CCDC91: variants seen among roughly 807,000 people sequenced by gnomAD.
CCDC91 encodes coiled-coil domain-containing protein 91.
A neutral mutation model predicts 63.2 loss-of-function variants in CCDC91; 48 were observed. The observed-to-expected ratio is 0.76, with a 90% confidence interval of 0.60 to 0.97. The LOEUF (loss-of-function observed/expected upper bound fraction) is 0.97, where lower values mean the gene tolerates loss of function less well. Among genes scored for constraint, CCDC91 ranks in the 50% least tolerant of loss-of-function variants. CCDC91 has a pLI of 0.00. For missense variants in CCDC91, 500 were observed against 494.6 expected, an observed-to-expected ratio of 1.01 and a Z score of -0.10; for synonymous variants, 167 against 165.8, an observed-to-expected ratio of 1.01 and a Z score of -0.06.
At chr12:28,263,764 C>CT (rs1395910125) in intron 3 of CCDC91, among the ~76,000 whole-genome samples, 1 of 151,906 alleles carries the variant, frequency 6.6e-6, no homozygotes, top group African/African-American at 2.4e-5. Flanking sequence ...CTGTTGAATC[C>CT]TTGGTGTCTA....
At chr12:28,219,468 ATTTTTTT>A (rs752030088) in intron 1 of CCDC91, among the ~76,000 whole-genome samples, 1 of 121,652 alleles carries the variant, frequency 8.2e-6, no homozygotes, top group African/African-American at 3.3e-5. Context: ...CAGTGTAACC[ATTTTTTT>A]TTTTTTTTTT....
At chr12:28,532,283 AT>A (rs1429131937) in intron 12 of CCDC91, among the ~76,000 whole-genome samples, 1 of 152,104 alleles carries the variant, frequency 6.6e-6, no homozygotes, top group Non-Finnish European at 1.5e-5. Context: ...TCCCTATCAA[AT>A]ATTGCTAATA....
At chr12:28,448,678 T>G (rs1949654334) in intron 8 of CCDC91, among the ~76,000 whole-genome samples, 1 of 152,122 alleles carries the variant, frequency 6.6e-6, no homozygotes, top group Non-Finnish European at 1.5e-5. Flanking sequence ...GAACATTTGT[T>G]TTCTAAGTTA....
intron 3 of CCDC91, among the ~76,000 whole-genome samples, chr12:28,264,054 A>C (rs1592138362): frequency 6.6e-6 from 1 of 151,944 alleles, no homozygotes; most frequent in South Asian, 2.1e-4. Flanking sequence ...ATGACCTGGA[A>C]ATCATGATTA....
At chr12:28,356,785 A>G (rs1943557119) in intron 6 of CCDC91, among the ~76,000 whole-genome samples, 1 of 152,062 alleles carries the variant, frequency 6.6e-6, no homozygotes, top group South Asian at 2.1e-4. Flanking sequence ...TTATTTGCTA[A>G]TTATGTTCTG....
rs565388753 is a variant in CCDC91 at position 28,476,434 on chromosome 12, A to G, written c.1102-7618A>G. ...CTTTGAAACCAGCGAGAACAAAGGC[A>G]CAACATTCCAGAATCTCTGGGACAC... On this transcript the variant is annotated intron_variant, in intron 11 of 12. Transcript: ENST00000536442. Among the ~76,000 whole-genome samples the G allele has an allele frequency of 5.3e-5, 8 of 152,296 alleles. No individual in the cohort carries two copies. The South Asian group carries it at 1.4e-3, about 28-fold the overall frequency.
At chr12:28,292,140 ACAG>A (rs1415239953) in intron 3 of CCDC91, among the ~76,000 whole-genome samples, 2 of 152,212 alleles carry the variant, frequency 1.3e-5, no homozygotes, top group Non-Finnish European at 2.9e-5. Flanking sequence ...CATAAAATAA[ACAG>A]CAGGTAATAT....
intron 11 of CCDC91, among the ~76,000 whole-genome samples, chr12:28,458,124 A>G (rs1950136459): frequency 1.3e-5 from 2 of 152,126 alleles, no homozygotes; most frequent in Admixed American, 1.3e-4. Flanking sequence ...TAGCATTTCT[A>G]TTTTAGCTTA....
intron 1 of CCDC91, chr12:28,191,167 TGAGG>T (rs1941201973): frequency 6.6e-6 from 1 of 152,224 alleles, no homozygotes; most frequent in Non-Finnish European, 1.5e-5. Context: ...TGCCAAGTGG[TGAGG>T]TATCCTTCGT....
chr12:28,410,764 C>T (rs530458001), intron 8 of CCDC91, among the ~76,000 whole-genome samples: 134 of 152,198 alleles, frequency 8.8e-4, no homozygotes, highest in African/African-American at 3.0e-3. Flanking sequence ...TCAGGTAATC[C>T]GCCCGCCTCA....
At chr12:28,526,170 TA>T (rs1227014923) in intron 12 of CCDC91, among the ~76,000 whole-genome samples, 1 of 151,788 alleles carries the variant, frequency 6.6e-6, no homozygotes, top group African/African-American at 2.4e-5. Context: ...TTTTTTTTTT[TA>T]ATTGTATTTT....
rs74731792 is a variant in CCDC91 at position 28,365,239 on chromosome 12, A to T, written c.654+2724A>T. On this transcript the variant is annotated intron_variant, in intron 7 of 12. Transcript: ENST00000536442. ...TGTAAAATGAGTAGCTCTTAACCAA[A>T]TTTCTTCAAAATGCCATTTGTAAAT... Among the ~76,000 whole-genome samples, 1,404 of 152,230 alleles carry T rather than the reference A, an allele frequency of 9.2e-3. 27 individuals carry two copies. The highest frequency in any genetic ancestry group is 0.032 in the African/African-American group (1,334 of 41,540).
intron 3 of CCDC91, among the ~76,000 whole-genome samples, chr12:28,267,707 T>TTA (rs1169430399): frequency 8.9e-6 from 1 of 112,094 alleles, no homozygotes; most frequent in Non-Finnish European, 1.7e-5. Context: ...TTATATATAA[T>TTA]TATATAATTA....
chr12:28,488,849 G>A (rs1340794068), intron 12 of CCDC91, among the ~76,000 whole-genome samples: 1 of 151,954 alleles, frequency 6.6e-6, no homozygotes, highest in Admixed American at 6.6e-5. Flanking sequence ...TTATTAAAAT[G>A]TAAATTTTGG....
At chr12:28,440,659 G>A (rs1438990879) in intron 8 of CCDC91, among the ~76,000 whole-genome samples, 3 of 151,990 alleles carry the variant, frequency 2.0e-5, no homozygotes, top group South Asian at 4.1e-4. Context: ...CACAAACTGG[G>A]AAAAACATTC....
intron 12 of CCDC91, among the ~76,000 whole-genome samples, chr12:28,504,006 A>C (rs1185265260): frequency 5.9e-5 from 9 of 152,072 alleles, no homozygotes; most frequent in Admixed American, 5.9e-4. Context: ...TAATGGGTAC[A>C]GCACACCAGC....
At chr12:28,379,713 A>T (rs2139042247) in intron 7 of CCDC91, among the ~76,000 whole-genome samples, 1 of 152,314 alleles carries the variant, frequency 6.6e-6, no homozygotes, top group African/African-American at 2.4e-5. Flanking sequence ...GTGGGAGTGT[A>T]TATTAGTTCA....
intron 12 of CCDC91, among the ~76,000 whole-genome samples, chr12:28,537,163 G>GT (rs1259237103): frequency 5.9e-5 from 9 of 151,576 alleles, no homozygotes; most frequent in Non-Finnish European, 1.0e-4. Context: ...TTTAGGTGCT[G>GT]TTTTTTTTCT....
intron 12 of CCDC91, among the ~76,000 whole-genome samples, chr12:28,491,861 TTGTGTGTGTGTG>T (rs35451448): frequency 3.0e-4 from 43 of 145,260 alleles, no homozygotes; most frequent in African/African-American, 8.3e-4. Context: ...GTCAAAAATT[TTGTGTGTGTGTG>T]TGTGTGTGTG....
Sources: allele counts gnomAD v4.1 joint callset (sites outside exome capture counted in the v4.1 genomes callset), GRCh38; gene constraint gnomAD v4.1.1; transcripts MANE v1.5; gene names NCBI Gene and HGNC (gene_info 2026-07-23, HGNC 2026-07-21).